The following TRMT9B variants were observed in gnomAD, a reference collection of about 807,000 sequenced individuals.
TRMT9B encodes the protein probable tRNA methyltransferase 9B.
Under a neutral mutation model 11.5 loss-of-function variants are expected in TRMT9B, and 16 were observed. That is an observed-to-expected ratio of 1.39 (90% CI 0.94 to 2.11). TRMT9B has a LOEUF of 2.11. Ranked by LOEUF, TRMT9B falls within the 30% of genes most tolerant of loss-of-function variation. TRMT9B has a pLI of 0.00. For missense variants in TRMT9B, 941 were observed against 553.8 expected, an observed-to-expected ratio of 1.70 and a Z score of -7.02; for synonymous variants, 274 against 192.4, an observed-to-expected ratio of 1.42 and a Z score of -3.51.
intron 3 of TRMT9B, chr8:13,011,232 C>T (rs1453062300): frequency 1.2e-5 from 10 of 857,768 alleles, no homozygotes; most frequent in Non-Finnish European, 1.4e-5. Context: ...GTGATCCGCC[C>T]ACCACAGCCT....
intron 1 of TRMT9B, among the ~76,000 whole-genome samples, chr8:12,990,569 A>G (rs1224810202): frequency 6.6e-6 from 1 of 152,174 alleles, no homozygotes; most frequent in Non-Finnish European, 1.5e-5. Context: ...AATGTTAGCA[A>G]TTTTCCCAGG....
chr8:13,012,919 G>C, intron 4 of TRMT9B, 62 bp downstream of exon 4: 1 of 1,563,558 alleles, frequency 6.4e-7, no homozygotes. Context: ...GGTTTAGTCC[G>C]TTCTCATGAC....
At chr8:12,998,792 A>G (rs7846359) in intron 2 of TRMT9B, among the ~76,000 whole-genome samples, 10,350 of 152,298 alleles carry the variant, frequency 0.068, 480 homozygotes, top group African/African-American at 0.13. Context: ...TCAGTTCCTC[A>G]GAATATTTTT....
intron 1 of TRMT9B, chr8:12,960,403 G>T (rs1302738925): frequency 6.6e-6 from 1 of 152,178 alleles, no homozygotes; most frequent in Admixed American, 6.5e-5. Context: ...GTATCTTACG[G>T]CAGCCCAGAA....
At chr8:12,964,011 T>C (rs1381926698) in intron 1 of TRMT9B, among the ~76,000 whole-genome samples, 1 of 152,202 alleles carries the variant, frequency 6.6e-6, no homozygotes, top group East Asian at 1.9e-4. Flanking sequence ...TGTAAACCAT[T>C]CACTTGTTTT....
chr8:12,968,301 A>G (rs989650690), intron 1 of TRMT9B, among the ~76,000 whole-genome samples: 3 of 152,212 alleles, frequency 2.0e-5, no homozygotes, highest in African/African-American at 7.2e-5. Context: ...GATGGGGATG[A>G]GGTCAAGAAG....
At chr8:12,976,323 A>C (rs997681224) in intron 1 of TRMT9B, among the ~76,000 whole-genome samples, 1 of 152,106 alleles carries the variant, frequency 6.6e-6, no homozygotes, top group Non-Finnish European at 1.5e-5. Context: ...TTTTTAGGTG[A>C]GGAAGACATG....
intron 1 of TRMT9B, among the ~76,000 whole-genome samples, chr8:12,968,875 C>T (rs954393016): frequency 2.6e-5 from 4 of 152,294 alleles, no homozygotes; most frequent in East Asian, 1.9e-4. Flanking sequence ...TGCAGGACTT[C>T]GGCAGTGGTC....
At chr8:13,017,498 C>T (rs78546716) in intron 4 of TRMT9B, among the ~76,000 whole-genome samples, 5 of 151,988 alleles carry the variant, frequency 3.3e-5, no homozygotes, top group East Asian at 3.9e-4. Context: ...ATTGATATTT[C>T]GGATAAATAT....
At chr8:12,982,942 C>G (rs1384399176) in intron 1 of TRMT9B, among the ~76,000 whole-genome samples, 1 of 152,188 alleles carries the variant, frequency 6.6e-6, no homozygotes, top group Non-Finnish European at 1.5e-5. Context: ...CCAGATTTCC[C>G]CATGCGAGCA....
At chr8:12,985,560 T>C (rs559552782) in intron 1 of TRMT9B, among the ~76,000 whole-genome samples, 1 of 152,338 alleles carries the variant, frequency 6.6e-6, no homozygotes, top group African/African-American at 2.4e-5. Flanking sequence ...TTATTCTGTG[T>C]TACTCCTGAA....
At chr8:12,991,920 A>G (rs1205584220) in intron 2 of TRMT9B, among the ~76,000 whole-genome samples, 1 of 152,192 alleles carries the variant, frequency 6.6e-6, no homozygotes, top group Non-Finnish European at 1.5e-5. Context: ...AACAAGAGCA[A>G]GACTCTGTCT....
chr8:12,987,469 C>A (rs1466096551), intron 1 of TRMT9B, among the ~76,000 whole-genome samples: 1 of 152,112 alleles, frequency 6.6e-6, no homozygotes, highest in Non-Finnish European at 1.5e-5. Flanking sequence ...GGCAGGAGGA[C>A]TGTTTGAGCC....
rs1337670155 is a variant in TRMT9B at position 13,023,142 on chromosome 8, T to G, written c.*1098T>G. ...TATTACTATTGCTTATTAGCAAGAT[T>G]GTTATCAATCATGCTTATTAGAAGG... On this transcript the variant is annotated 3_prime_UTR_variant, in exon 5 of 5. Coordinates refer to ENST00000524591, the MANE Select transcript of TRMT9B (RefSeq NM_020844.3). 2 of 167,118 alleles carry G rather than the reference T, an allele frequency of 1.2e-5. No individual in the cohort carries two copies. Among genetic ancestry groups the G allele is most frequent in the African/African-American group, 4.8e-5 (2 of 41,470 alleles). 10.4% of individuals were successfully genotyped at this position (167,118 alleles called of 1,614,324 possible).
At chr8:12,984,522 A>G (rs982698728) in intron 1 of TRMT9B, among the ~76,000 whole-genome samples, 2 of 152,168 alleles carry the variant, frequency 1.3e-5, no homozygotes, top group South Asian at 4.1e-4. Flanking sequence ...CTTGTCCTCC[A>G]TCCTGCCTAA....
At chr8:12,977,735 C>A (rs1804685582) in intron 1 of TRMT9B, among the ~76,000 whole-genome samples, 1 of 151,940 alleles carries the variant, frequency 6.6e-6, no homozygotes, top group African/African-American at 2.4e-5. Flanking sequence ...ATTCTTGCAG[C>A]TGGGTGCAGT....
At chr8:13,011,688 T>C in intron 3 of TRMT9B, 3 of 979,520 alleles carry the variant, frequency 3.1e-6, no homozygotes, top group Non-Finnish European at 2.4e-6. Context: ...TTGGGCTTTG[T>C]AAATCCTGAA....
At chr8:12,961,468 G>C (rs932796571) in intron 1 of TRMT9B, among the ~76,000 whole-genome samples, 1 of 151,922 alleles carries the variant, frequency 6.6e-6, no homozygotes, top group Non-Finnish European at 1.5e-5. Flanking sequence ...TTGGGAGGCC[G>C]AGGTGGGCGG....
At position 13,027,699 on chromosome 8, in the gene TRMT9B, C is replaced by G. The variant is rs560462776; in HGVS notation, c.*5655C>G. On this transcript the variant is annotated 3_prime_UTR_variant, in exon 5 of 5. Coordinates refer to ENST00000524591, the MANE Select transcript of TRMT9B (RefSeq NM_020844.3). The stretch of plus-strand genomic sequence containing the variant: ...CAAATGCCATAATTGTAATCTTTCT[C>G]CAAAGAAAAATGCACGATACAGGCT... 6.0e-6 allele frequency: 1 copy of G among 167,118 alleles called. No homozygotes were observed. Among genetic ancestry groups the G allele is most frequent in the African/African-American group, 2.4e-5 (1 of 41,544 alleles). The allele number at this position is 167,118 out of a possible 1,614,324, so 10.4% of individuals were successfully genotyped here. A position where few individuals can be genotyped will look rare whatever the true frequency, so the allele number is the denominator to read the frequency against.
Sources: gnomAD v4.1 joint callset for allele counts (sites outside exome capture counted in the v4.1 genomes callset) on GRCh38, gnomAD v4.1.1 for gene constraint, MANE v1.5 for transcripts, NCBI Gene and HGNC (gene_info 2026-07-23, HGNC 2026-07-21) for gene names.